The following TOP2B variants were observed in gnomAD, a reference collection of about 807,000 sequenced individuals.
TOP2B encodes DNA topoisomerase II beta.
TOP2B carries 51 observed loss-of-function variants against 193.5 expected under a neutral mutation model. The observed-to-expected ratio is 0.26, with a 90% CI of 0.21 to 0.33. The LOEUF (loss-of-function observed/expected upper bound fraction) is 0.33. Ranked by LOEUF, TOP2B falls within the 10% of genes least tolerant of loss-of-function variation. The pLI is 1.00. For synonymous variants in TOP2B, 634 were observed against 635.7 expected, an observed-to-expected ratio of 1.00 and a Z score of 0.04; for missense variants, 1,378 against 1,909.3, an observed-to-expected ratio of 0.72 and a Z score of 5.19.
At chr3:25,643,516 G>C (rs1183017246) in intron 3 of TOP2B, among the ~76,000 whole-genome samples, 178 bp downstream of exon 3, 1 of 152,114 alleles carries the variant, frequency 6.6e-6, no homozygotes, top group Non-Finnish European at 1.5e-5. Flanking sequence ...AGATGAAACA[G>C]AGATATGAAA....
chr3:25,638,965 G>GA (rs1703182405), intron 4 of TOP2B, among the ~76,000 whole-genome samples: 1 of 152,010 alleles, frequency 6.6e-6, no homozygotes, highest in Non-Finnish European at 1.5e-5. Context: ...TAATTAGGCT[G>GA]AAAAAAATTG....
intron 30 of TOP2B, among the ~76,000 whole-genome samples, chr3:25,608,942 C>T (rs376341813): frequency 4.6e-5 from 7 of 152,126 alleles, no homozygotes; most frequent in African/African-American, 1.7e-4. Flanking sequence ...CATCTTAAAA[C>T]TGTGGAAGGA....
At chr3:25,620,532 A>G (rs1028932816) in intron 22 of TOP2B, 150 bp downstream of exon 22, 1 of 765,102 alleles carries the variant, frequency 1.3e-6, no homozygotes, top group Non-Finnish European at 2.0e-6. Context: ...TAAATATTCA[A>G]AGCACAAATT....
intron 3 of TOP2B, 78 bp downstream of exon 3, chr3:25,643,616 T>G (rs1483561736): frequency 9.3e-7 from 1 of 1,076,652 alleles, no homozygotes; most frequent in Non-Finnish European, 1.4e-6. Flanking sequence ...TTATACTGGT[T>G]AAGTCTGGCT....
At chr3:25,615,143 A>G in intron 27 of TOP2B, 62 bp downstream of exon 27, 4 of 1,447,016 alleles carry the variant, frequency 2.8e-6, no homozygotes, top group Non-Finnish European at 3.8e-6. Context: ...CACTTAAAAG[A>G]ATTTCATTCT....
chr3:25,661,820 T>C (rs1031471393), intron 1 of TOP2B, among the ~76,000 whole-genome samples: 1 of 152,182 alleles, frequency 6.6e-6, no homozygotes, highest in African/African-American at 2.4e-5. Context: ...CTGGCATGCA[T>C]CCCAACAGTA....
Position 25,616,884 on chromosome 3 carries a change from TA to T in TOP2B, c.3352-1299del, listed in dbSNP as rs938701412. The stretch of plus-strand genomic sequence containing the variant: ...TATGACTAAGAACACTTCCAGAAAT[TA>T]AAAAAAAAAATAAACTTTGCAAGTT... On this transcript the variant is annotated intron_variant, in intron 25 of 35. Transcript: ENST00000264331. Among the ~76,000 whole-genome samples the T allele has an allele frequency of 4.8e-3, 709 of 147,300 alleles. 8 individuals are homozygous for T. Among genetic ancestry groups the T allele is most frequent in the African/African-American group, 0.015 (622 of 40,460 alleles).
chr3:25,612,384 G>T, intron 28 of TOP2B, 131 bp downstream of exon 28: 1 of 640,320 alleles, frequency 1.6e-6, no homozygotes, highest in Non-Finnish European at 2.4e-6. Flanking sequence ...GTCATAGAAG[G>T]ATTTCCTATT....
chr3:25,623,393 A>T, intron 21 of TOP2B, 122 bp downstream of exon 21: 1 of 846,338 alleles, frequency 1.2e-6, no homozygotes, highest in Non-Finnish European at 1.8e-6. Flanking sequence ...TACCCTAATT[A>T]GGTCTTTACG....
chr3:25,599,348 C>T lies in TOP2B; in HGVS notation c.4710+87G>A, dbSNP rs546479160. The T allele has an allele frequency of 1.0e-4, 130 of 1,250,992 alleles. 1 individual carries two copies. In the South Asian group the frequency reaches 1.8e-3, roughly 17 times the overall value. The allele number at this position is 1,250,992 out of a possible 1,614,324, so 77.5% of individuals were successfully genotyped here. A position where few individuals can be genotyped will look rare whatever the true frequency, so the allele number is the denominator to read the frequency against. On this transcript the variant is annotated intron_variant, in intron 35 of 35. Transcript: ENST00000264331. Reference sequence around the variant, plus strand: ...CGAGATGCTAGGTGGAAAGCTGTTCCAGGACTATAGTCATAAGCAAACTAA... The same window carrying T: ...CGAGATGCTAGGTGGAAAGCTGTTCTAGGACTATAGTCATAAGCAAACTAA...
At chr3:25,635,321 T>C (rs1703075493) in intron 7 of TOP2B, among the ~76,000 whole-genome samples, 1 of 151,976 alleles carries the variant, frequency 6.6e-6, no homozygotes, top group Admixed American at 6.6e-5. Context: ...TTTCCACAAC[T>C]TACAGGGCAT....
At position 25,620,679 on chromosome 3, in the gene TOP2B, G is replaced by A. The variant is rs756353909; in HGVS notation, c.2862+3C>T. ...CTCAGGCAGATCACATATTTACACT[G>A]ACCTGTGTCCAAGTTCTAACTGGAA... is the stretch of plus-strand genomic sequence containing the variant. On this transcript the variant is annotated splice_donor_region_variant and intron_variant, in intron 22 of 35. Coordinates refer to ENST00000264331, the MANE Select transcript of TOP2B (RefSeq NM_001330700.2). 4 of 1,611,282 alleles carry A rather than the reference G, an allele frequency of 2.5e-6. No homozygotes were observed. Among genetic ancestry groups the A allele is most frequent in the Non-Finnish European group, 3.4e-6 (4 of 1,178,570 alleles).
intron 28 of TOP2B, among the ~76,000 whole-genome samples, chr3:25,610,869 A>G (rs1190264522): frequency 6.6e-6 from 1 of 152,238 alleles, no homozygotes; most frequent in Non-Finnish European, 1.5e-5. Flanking sequence ...ATTCTAAGGC[A>G]ATGTCAAATG....
chr3:25,613,362 T>C (rs142866447), intron 27 of TOP2B, among the ~76,000 whole-genome samples: 12 of 152,294 alleles, frequency 7.9e-5, no homozygotes, highest in African/African-American at 2.2e-4. Context: ...AACAGTTTAA[T>C]AGAAATTACC....
Position 25,626,829 on chromosome 3 carries a change from T to C in TOP2B, c.2052A>G (p.Glu684=), listed in dbSNP as rs1407691056. The C allele has an allele frequency of 1.7e-5, 27 of 1,605,180 alleles. No individual in the cohort carries two copies. The highest frequency in any genetic ancestry group is 2.2e-5 in the Non-Finnish European group (26 of 1,176,756). The change falls in exon 17 of 36, where the codon GAA becomes GAG. Residue 684 remains glutamate (E), a synonymous_variant. Transcript: ENST00000264331. ...FSKKKIDDRK[E]WLTNFMEDRR... is the part of the protein sequence containing the mutation. Reference sequence around the variant, plus strand: ...GGTCTTCCATAAAATTTGTTAACCATTCTTTTCTGTCATCAATCTTCTTCT... The same window carrying C: ...GGTCTTCCATAAAATTTGTTAACCACTCTTTTCTGTCATCAATCTTCTTCT...
Position 25,598,245 on chromosome 3 carries a change from A to G in TOP2B, c.*62T>C. On this transcript the variant is annotated 3_prime_UTR_variant, in exon 36 of 36. Transcript: ENST00000264331. ...TAAGCCAGATGTACAAAAGTCTGAG[A>G]CAGAGAAGACAAAAGGACAACACAA... The G allele has an allele frequency of 6.6e-7, 1 of 1,506,494 alleles. No individual in the cohort carries two copies. The highest frequency in any genetic ancestry group is 1.4e-5 in the African/African-American group (1 of 71,900). The allele number at this position is 1,506,494 out of a possible 1,614,324, so 93.3% of individuals were successfully genotyped here. A position where few individuals can be genotyped will look rare whatever the true frequency, so the allele number is the denominator to read the frequency against.
chr3:25,635,519 GA>G (rs1703082450), intron 7 of TOP2B, among the ~76,000 whole-genome samples: 1 of 152,040 alleles, frequency 6.6e-6, no homozygotes, highest in Non-Finnish European at 1.5e-5. Flanking sequence ...TAAACTATAA[GA>G]AATAATCAAA....
chr3:25,638,120 T>C, intron 5 of TOP2B, 45 bp downstream of exon 5: 2 of 1,498,580 alleles, frequency 1.3e-6, no homozygotes, highest in Non-Finnish European at 1.8e-6. Flanking sequence ...ACATTTTATA[T>C]TAAGAAAACA....
In TOP2B at chr3:25,599,549, T is replaced by C; in HGVS notation, c.4616-20A>G. On this transcript the variant is annotated intron_variant, in intron 34 of 35. Transcript: ENST00000264331. ...CTTTACCTTAAAATGATACAAAAGGTTTTTTCTTCCGTGGTTAAGTGCAAT... is the reference window on the plus strand; with the variant it reads ...CTTTACCTTAAAATGATACAAAAGGCTTTTTCTTCCGTGGTTAAGTGCAAT... 6.3e-7 allele frequency: 1 copy of C among 1,599,936 alleles called. No homozygotes were observed. Among genetic ancestry groups the C allele is most frequent in the Non-Finnish European group, 8.5e-7 (1 of 1,172,854 alleles).
Sources: gnomAD v4.1 joint callset for allele counts (sites outside exome capture counted in the v4.1 genomes callset) on GRCh38, gnomAD v4.1.1 for gene constraint, MANE v1.5 for transcripts, NCBI Gene and HGNC (gene_info 2026-07-23, HGNC 2026-07-21) for gene names.